APBA2: variants seen among roughly 807,000 people sequenced by gnomAD.
APBA2 encodes the protein amyloid-beta A4 precursor protein-binding family A member 2.
In APBA2, 30 loss-of-function variants were observed where a neutral mutation model predicts 75.0. That is an observed-to-expected ratio of 0.40 (90% CI 0.30 to 0.54). The LOEUF (loss-of-function observed/expected upper bound fraction) is 0.54, where lower values mean the gene tolerates loss of function less well. Ranked by LOEUF, APBA2 falls within the 20% of genes least tolerant of loss-of-function variation. The probability of loss-of-function intolerance (pLI) is 0.49; values close to 1 mark genes in which losing one functional copy is unlikely to be tolerated. For missense variants in APBA2, 801 were observed against 1,016.1 expected, an observed-to-expected ratio of 0.79 and a Z score of 2.88; for synonymous variants, 444 against 409.6, an observed-to-expected ratio of 1.08 and a Z score of -1.01.
At chr15:28,901,907 G>GGTGTGTGTGTGTGTGT (rs1298489682) in intron 1 of APBA2, among the ~76,000 whole-genome samples, 3 of 15,896 alleles carry the variant, frequency 1.9e-4, no homozygotes, top group South Asian at 4.8e-3. Flanking sequence ...GGGAGCTTTT[G>GGTGTGTGTGTGTGTGT]ATGTGTGTGT....
intron 1 of APBA2, among the ~76,000 whole-genome samples, chr15:28,915,390 TCACACACCACAC>T (rs2033643009): frequency 8.9e-6 from 1 of 111,890 alleles, no homozygotes; most frequent in African/African-American, 3.6e-5. Context: ...CATGCCCACC[TCACACACCACAC>T]ATTCACCCTA....
chr15:28,930,554 G>A (rs1276352816), intron 2 of APBA2, among the ~76,000 whole-genome samples: 7 of 152,150 alleles, frequency 4.6e-5, no homozygotes, highest in African/African-American at 1.2e-4. Context: ...TCTTGGAGCC[G>A]GCTGGGGAGG....
intron 5 of APBA2, among the ~76,000 whole-genome samples, chr15:29,075,244 T>C (rs925146848): frequency 6.6e-6 from 1 of 152,236 alleles, no homozygotes; most frequent in Admixed American, 6.5e-5. Flanking sequence ...GGAGTGCTCT[T>C]GTGTTGCAGA....
In APBA2 at chr15:28,918,168, G is replaced by GC. The variant is rs2033774783; in HGVS notation, c.-204-3471dup. Among the ~76,000 whole-genome samples, 1 of 152,226 alleles carries GC rather than the reference G, an allele frequency of 6.6e-6. No homozygotes were observed. Among genetic ancestry groups the GC allele is most frequent in the African/African-American group, 2.4e-5 (1 of 41,462 alleles). Reference sequence around the variant, plus strand: ...GAGGTGGTCTGCTTTGAGTTTTGCAGCGTTGCCTGCGGTCTCCGTGGGTGA... The same window carrying GC: ...GAGGTGGTCTGCTTTGAGTTTTGCAGCCGTTGCCTGCGGTCTCCGTGGGTGA... On this transcript the variant is annotated intron_variant, in intron 1 of 14. Transcript: ENST00000683413. This position sits in a 1 kb window ranked among gnomAD's most constrained non-coding sequence, Gnocchi z 4.2.
At chr15:28,956,064 A>C (rs2036152606) in intron 2 of APBA2, among the ~76,000 whole-genome samples, 1 of 152,172 alleles carries the variant, frequency 6.6e-6, no homozygotes, top group Non-Finnish European at 1.5e-5. Flanking sequence ...CTCTGGCCTG[A>C]GGACTCCGGT....
In APBA2 at chr15:29,098,474, C is replaced by CA. The variant is rs767459027; in HGVS notation, c.1252-16_1252-15insA. 2 of 1,603,514 alleles carry CA rather than the reference C, an allele frequency of 1.2e-6. No homozygotes were observed. The highest frequency in any genetic ancestry group is 2.7e-5 in the African/African-American group (2 of 74,690). The stretch of plus-strand genomic sequence containing the variant: ...GTTGGTTTTTGGACTTTAACAATAT[C>CA]CACTGTCCTTCTTAGAATTCTGAGG... On this transcript the variant is annotated splice_polypyrimidine_tract_variant and intron_variant, in intron 8 of 14. Coordinates refer to ENST00000683413, the MANE Select transcript of APBA2 (RefSeq NM_001353788.2).
chr15:28,930,434 A>G (rs943253749), intron 2 of APBA2, among the ~76,000 whole-genome samples: 1 of 152,178 alleles, frequency 6.6e-6, no homozygotes, highest in African/African-American at 2.4e-5. Context: ...TTCTAAGGCA[A>G]TAGAAGGTTC....
At chr15:29,111,694 C>A (rs1041886418) in intron 13 of APBA2, among the ~76,000 whole-genome samples, 2 of 152,042 alleles carry the variant, frequency 1.3e-5, no homozygotes, top group Non-Finnish European at 2.9e-5. Flanking sequence ...TCTGGCTGTC[C>A]CCATTTGGCC....
chr15:29,026,438 ACGGC>A (rs1392111244), intron 3 of APBA2, among the ~76,000 whole-genome samples: 1 of 152,216 alleles, frequency 6.6e-6, no homozygotes, highest in African/African-American at 2.4e-5. Flanking sequence ...ATGTATATGA[ACGGC>A]CAGTTAACCC....
chr15:29,051,988 A>G (rs1277450266), intron 3 of APBA2, among the ~76,000 whole-genome samples: 8 of 152,180 alleles, frequency 5.3e-5, no homozygotes, highest in African/African-American at 1.4e-4. Flanking sequence ...ATTGCAGTAA[A>G]ATAGACATAA....
intron 4 of APBA2, among the ~76,000 whole-genome samples, chr15:29,065,002 A>T (rs1566965204): frequency 6.7e-6 from 1 of 149,240 alleles, no homozygotes; most frequent in Admixed American, 6.6e-5. Flanking sequence ...CGAGGTGCTC[A>T]TAGTGTGTGT....
intron 2 of APBA2, among the ~76,000 whole-genome samples, chr15:28,972,909 A>T (rs1209748249): frequency 1.3e-5 from 2 of 152,226 alleles, no homozygotes; most frequent in East Asian, 3.8e-4. Context: ...TTTCTAAGCA[A>T]TTTTTCCTAT....
intron 3 of APBA2, among the ~76,000 whole-genome samples, chr15:29,045,139 G>A (rs553443693): frequency 2.7e-5 from 4 of 146,456 alleles, no homozygotes; most frequent in South Asian, 4.4e-4. Flanking sequence ...GTGCAATGGC[G>A]TGATCTCGGC....
intron 2 of APBA2, among the ~76,000 whole-genome samples, chr15:28,924,987 C>G (rs904998657): frequency 4.6e-5 from 7 of 152,010 alleles, no homozygotes; most frequent in African/African-American, 1.7e-4. Context: ...TGGGGTCTGA[C>G]TGTTTATTGG....
At chr15:28,969,128 T>TTC (rs755972827) in intron 2 of APBA2, among the ~76,000 whole-genome samples, 1 of 137,026 alleles carries the variant, frequency 7.3e-6, no homozygotes, top group South Asian at 2.5e-4. Flanking sequence ...TTTCATTTCT[T>TTC]TTTCTTTCTT....
chr15:28,924,794 G>GT (rs2034168524), intron 2 of APBA2, among the ~76,000 whole-genome samples: 1 of 152,028 alleles, frequency 6.6e-6, no homozygotes. Flanking sequence ...GAATTGTTGC[G>GT]TTCTGTGGTG....
At chr15:28,971,231 A>G (rs1441318617) in intron 2 of APBA2, among the ~76,000 whole-genome samples, 2 of 151,982 alleles carry the variant, frequency 1.3e-5, no homozygotes, top group East Asian at 3.9e-4. Flanking sequence ...ATTTTTTTTA[A>G]TCACGATTGG....
chr15:28,948,756 G>A (rs984709281), intron 2 of APBA2, among the ~76,000 whole-genome samples: 16 of 152,170 alleles, frequency 1.1e-4, no homozygotes, highest in African/African-American at 1.9e-4. Flanking sequence ...GCCTTGCGGC[G>A]GCATCTTTGC....
intron 2 of APBA2, among the ~76,000 whole-genome samples, chr15:28,931,022 A>G (rs2034535929): frequency 6.6e-6 from 1 of 152,158 alleles, no homozygotes; most frequent in Non-Finnish European, 1.5e-5. Flanking sequence ...GTCCGCAGAC[A>G]TTGGGGACTC....
Sources: gnomAD v4.1 joint callset for allele counts (sites outside exome capture counted in the v4.1 genomes callset) on GRCh38, gnomAD v4.1.1 for gene constraint, Gnocchi (gnomAD v3.1) non-coding constraint, MANE v1.5 for transcripts, NCBI Gene and HGNC (gene_info 2026-07-23, HGNC 2026-07-21) for gene names.